TRIO: variants seen among roughly 807,000 people sequenced by gnomAD.
TRIO encodes triple functional domain protein.
In TRIO, 58 loss-of-function variants were observed where a neutral mutation model predicts 351.9. The observed-to-expected ratio is 0.16, with a 90% CI of 0.13 to 0.21. The LOEUF is 0.21. Ranked by LOEUF, TRIO falls within the 10% of genes least tolerant of loss-of-function variation. The pLI is 1.00. For missense variants in TRIO, 3,201 were observed against 4,027.8 expected, an observed-to-expected ratio of 0.79 and a Z score of 5.56; for synonymous variants, 1,758 against 1,595.7, an observed-to-expected ratio of 1.10 and a Z score of -2.42.
intron 47 of TRIO, among the ~76,000 whole-genome samples, chr5:14,486,437 T>G (rs1361347306): frequency 6.6e-6 from 1 of 152,226 alleles, no homozygotes; most frequent in Non-Finnish European, 1.5e-5. Flanking sequence ...CCATCCTGCT[T>G]GCAAGCTGAT....
chr5:14,278,031 G>A (rs1315364440), intron 2 of TRIO, among the ~76,000 whole-genome samples: 1 of 152,234 alleles, frequency 6.6e-6, no homozygotes, highest in African/African-American at 2.4e-5. Flanking sequence ...AAAAGGAAAA[G>A]TGAAAATTTT....
intron 1 of TRIO, among the ~76,000 whole-genome samples, chr5:14,226,305 C>T (rs1420167017): frequency 1.4e-5 from 2 of 140,122 alleles, no homozygotes; most frequent in Non-Finnish European, 3.2e-5. Context: ...AACTTCAAGT[C>T]CTTTTTTCTG....
intron 1 of TRIO, among the ~76,000 whole-genome samples, chr5:14,249,828 G>T (rs1794638115): frequency 6.6e-6 from 1 of 152,186 alleles, no homozygotes; most frequent in Admixed American, 6.5e-5. Context: ...TTGATGGTGG[G>T]AGAGAACATG....
chr5:14,181,830 C>T (rs32340), intron 1 of TRIO, among the ~76,000 whole-genome samples: 101,483 of 151,908 alleles, frequency 0.67, 34,160 homozygotes, highest in African/African-American at 0.68. Flanking sequence ...CCCTCCCGGC[C>T]TGGGCTCTTT....
intron 37 of TRIO, chr5:14,465,848 T>A: frequency 1.7e-6 from 1 of 583,806 alleles, no homozygotes. Flanking sequence ...ACATTTGCAG[T>A]GTATTCCCAT....
intron 1 of TRIO, among the ~76,000 whole-genome samples, chr5:14,249,939 A>G (rs191825605): frequency 2.0e-5 from 3 of 152,242 alleles, no homozygotes; most frequent in South Asian, 2.1e-4. Context: ...AAAAAGACCA[A>G]TTTTCCCCCT....
intron 1 of TRIO, among the ~76,000 whole-genome samples, chr5:14,228,885 GAAA>G (rs1287776520): frequency 6.6e-6 from 1 of 151,870 alleles, no homozygotes; most frequent in African/African-American, 2.4e-5. Context: ...AAAAAGAAAA[GAAA>G]AAAGAATATA....
At chr5:14,283,895 C>T (rs1736220432) in intron 3 of TRIO, among the ~76,000 whole-genome samples, 1 of 151,462 alleles carries the variant, frequency 6.6e-6, no homozygotes, top group African/African-American at 2.4e-5. Flanking sequence ...CATTGCAAGT[C>T]CTGCACAGTG....
At chr5:14,438,593 CCT>C (rs2126316475) in intron 34 of TRIO, among the ~76,000 whole-genome samples, 1 of 152,348 alleles carries the variant, frequency 6.6e-6, no homozygotes, top group African/African-American at 2.4e-5. Context: ...GTCACTAACC[CCT>C]GTGTCGTCTT....
At position 14,243,999 on chromosome 5, in the gene TRIO, C is replaced by T. The variant is rs551176822; in HGVS notation, c.158-26826C>T. ...GTGACTCAGGTCCTGCAGCCAGGAC[C>T]TGCTTGGCTGTGCAGCTCAGCCGCT... On this transcript the variant is annotated intron_variant, in intron 1 of 56. Coordinates refer to ENST00000344204, the MANE Select transcript of TRIO (RefSeq NM_007118.4). 8.5e-5 allele frequency among the ~76,000 whole-genome samples: 13 copies of T among 152,318 alleles called. No homozygotes were observed. The South Asian group carries it at 2.1e-3, about 24-fold the overall frequency.
At chr5:14,268,762 A>G (rs1400994592) in intron 1 of TRIO, among the ~76,000 whole-genome samples, 1 of 152,118 alleles carries the variant, frequency 6.6e-6, no homozygotes, top group Admixed American at 6.5e-5. Context: ...GCCTTGTTTT[A>G]TAGGTGTTTG....
intron 8 of TRIO, among the ~76,000 whole-genome samples, chr5:14,315,330 G>A (rs960233537): frequency 2.0e-5 from 3 of 149,310 alleles, no homozygotes; most frequent in African/African-American, 7.5e-5. Context: ...TCGGCTCACT[G>A]CAACTTTCAT....
chr5:14,237,588 A>G lies in TRIO; in HGVS notation c.158-33237A>G, dbSNP rs573150966. 3.3e-5 allele frequency among the ~76,000 whole-genome samples: 5 copies of G among 152,348 alleles called. No homozygotes were observed. The East Asian group carries it at 9.6e-4, about 29-fold the overall frequency. On this transcript the variant is annotated intron_variant, in intron 1 of 56. Transcript: ENST00000344204. ...TGTCGTGCGCACACCTGCTGCGGAC[A>G]GCAGTTGTTGGGTGGAAATCAACAG... is the stretch of plus-strand genomic sequence containing the variant.
chr5:14,377,090 C>A (rs30768), intron 19 of TRIO, among the ~76,000 whole-genome samples: 15 of 151,126 alleles, frequency 9.9e-5, no homozygotes, highest in Non-Finnish European at 2.2e-4. Context: ...AATTTTTTGT[C>A]TGTGCACCAG....
intron 8 of TRIO, among the ~76,000 whole-genome samples, chr5:14,316,071 T>C (rs1347670623): frequency 6.6e-6 from 1 of 152,262 alleles, no homozygotes; most frequent in Non-Finnish European, 1.5e-5. Context: ...TTTTGTTCCA[T>C]TGTGATGATC....
intron 7 of TRIO, among the ~76,000 whole-genome samples, chr5:14,299,038 A>T (rs1030086285): frequency 6.6e-6 from 1 of 152,200 alleles, no homozygotes; most frequent in Admixed American, 6.5e-5. Flanking sequence ...ACACACAGAG[A>T]ACATCTTTCA....
At chr5:14,281,434 C>A (rs772228192) in intron 3 of TRIO, among the ~76,000 whole-genome samples, 3 of 127,950 alleles carry the variant, frequency 2.3e-5, no homozygotes, top group Admixed American at 1.5e-4. Flanking sequence ...ACCCCCCCCC[C>A]CCGCCCCGTG....
chr5:14,288,079 A>G (rs1317662153), intron 4 of TRIO, among the ~76,000 whole-genome samples: 2 of 152,230 alleles, frequency 1.3e-5, no homozygotes, highest in Non-Finnish European at 2.9e-5. Context: ...ACTACACTCC[A>G]TCAGAAAGAT....
At chr5:14,273,072 A>C (rs1231528743) in intron 2 of TRIO, among the ~76,000 whole-genome samples, 1 of 152,166 alleles carries the variant, frequency 6.6e-6, no homozygotes, top group Non-Finnish European at 1.5e-5. Context: ...ATCACCTCCC[A>C]GGAACCCCAT....
Sources: allele counts gnomAD v4.1 joint callset (sites outside exome capture counted in the v4.1 genomes callset), GRCh38; gene constraint gnomAD v4.1.1; transcripts MANE v1.5; gene names NCBI Gene and HGNC (gene_info 2026-07-23, HGNC 2026-07-21).